The following PCDHGA5 variants were observed in gnomAD, a reference collection of about 807,000 sequenced individuals.
PCDHGA5 encodes protocadherin gamma subfamily A, 5, also known as protocadherin gamma-A5.
A neutral mutation model predicts 56.7 loss-of-function variants in PCDHGA5; 36 were observed. That is an observed-to-expected ratio of 0.64 (90% CI 0.49 to 0.84). The LOEUF is 0.84. Ranked by LOEUF, PCDHGA5 falls within the 40% of genes least tolerant of loss-of-function variation. The pLI, the probability that PCDHGA5 is intolerant of heterozygous loss-of-function variation, is 0.00. For synonymous variants in PCDHGA5, 563 were observed against 520.2 expected (o/e 1.08, Z -1.12); for missense variants, 1,305 against 1,201.5 (o/e 1.09, Z -1.27).
At chr5:141,483,186 A>G (rs2099578047) in intron 1 of PCDHGA5, among the ~76,000 whole-genome samples, 1 of 152,174 alleles carries the variant, frequency 6.6e-6, no homozygotes, top group Non-Finnish European at 1.5e-5. Flanking sequence ...CAAGCCAAGG[A>G]GTTTTTATTT....
At chr5:141,408,738 C>A in intron 1 of PCDHGA5, 1 of 1,609,632 alleles carries the variant, frequency 6.2e-7, no homozygotes, top group Non-Finnish European at 8.5e-7. Flanking sequence ...CCTTATTTTT[C>A]ATTAATGGTT....
At chr5:141,492,778 G>A (rs2099743821) in intron 1 of PCDHGA5, among the ~76,000 whole-genome samples, 1 of 152,250 alleles carries the variant, frequency 6.6e-6, no homozygotes, top group South Asian at 2.1e-4. Context: ...GAGTGAGTGA[G>A]CCTCTATAGG....
At chr5:141,412,917 G>C (rs918712966) in intron 1 of PCDHGA5, 2 of 410,214 alleles carry the variant, frequency 4.9e-6, no homozygotes, top group African/African-American at 2.1e-5. Context: ...GTATCACTTG[G>C]GTGCAGTAAC....
Position 141,366,435 on chromosome 5 carries a change from G to A in PCDHGA5, c.2105G>A (p.Cys702Tyr), listed in dbSNP as rs1764554522. ...YLVVAVAAVS[C>Y]VFLAFVIVLL... ...GTGGTGGCAGTGGCTGCAGTCTCCTGCGTCTTCCTGGCCTTCGTCATCGTG... is the reference window on the plus strand; with the variant it reads ...GTGGTGGCAGTGGCTGCAGTCTCCTACGTCTTCCTGGCCTTCGTCATCGTG... Residue 702 changes from cysteine to tyrosine, a missense_variant, in exon 1 of 4, where the codon TGC (cysteine) becomes TAC (tyrosine). Transcript: ENST00000518069. 2 of 1,614,046 alleles carry A rather than the reference G, an allele frequency of 1.2e-6. No individual in the cohort carries two copies. The highest frequency in any genetic ancestry group is 1.3e-5 in the African/African-American group (1 of 74,958).
At chr5:141,417,001 A>G (rs1590037654) in intron 1 of PCDHGA5, 1 of 150,924 alleles carries the variant, frequency 6.6e-6, no homozygotes, top group African/African-American at 2.5e-5. Context: ...TTCATCTCAA[A>G]TAATTCTATT....
Position 141,432,298 on chromosome 5 carries a change from A to T in PCDHGA5, c.2422-62509A>T. Reference sequence around the variant, plus strand: ...TGTCCATCAACTCCGACACTGGGGTACTGTATGCGCTGAGCTCCTTCGACT... The same window carrying T: ...TGTCCATCAACTCCGACACTGGGGTTCTGTATGCGCTGAGCTCCTTCGACT... On this transcript the variant is annotated intron_variant, in intron 1 of 3. Transcript: ENST00000518069. The surrounding 1 kb of genome is among the most constrained non-coding windows in gnomAD (Gnocchi z 6.0). The T allele has an allele frequency of 6.2e-7, 1 of 1,614,236 alleles. No homozygotes were observed. Among genetic ancestry groups the T allele is most frequent in the Non-Finnish European group, 8.5e-7 (1 of 1,180,036 alleles).
intron 1 of PCDHGA5, chr5:141,384,561 C>A (rs778010622): frequency 3.1e-6 from 5 of 1,614,254 alleles, no homozygotes; most frequent in South Asian, 1.1e-5. Context: ...TCGTGCTGGA[C>A]CAGAATGACA....
intron 1 of PCDHGA5, chr5:141,408,110 T>G: frequency 2.8e-6 from 4 of 1,445,204 alleles, no homozygotes; most frequent in Non-Finnish European, 2.7e-6. Context: ...GACCCGGGAC[T>G]CCTCCTGTCC....
In PCDHGA5 at chr5:141,364,651, C is replaced by T; in HGVS notation, c.321C>T (p.Asn107=). The stretch of plus-strand genomic sequence containing the variant: ...GCCCACTGTGTGTGGTGAACTTTAA[C>T]ATCTTGGTTGAGAACAAAATGAAAA... ...AQSPLCVVNF[N]ILVENKMKIY... Residue 107 remains asparagine, a synonymous_variant, in exon 1 of 4, where the codon AAC becomes AAT. Coordinates refer to ENST00000518069, the MANE Select transcript of PCDHGA5 (RefSeq NM_018918.3). 1.9e-6 allele frequency: 3 copies of T among 1,614,064 alleles called. No individual in the cohort carries two copies. The highest frequency in any genetic ancestry group is 2.5e-6 in the Non-Finnish European group (3 of 1,179,922).
In PCDHGA5 at chr5:141,422,509, C is replaced by G. The variant is rs1249006816; in HGVS notation, c.2421+55758C>G. On this transcript the variant is annotated intron_variant, in intron 1 of 3. Coordinates refer to ENST00000518069, the MANE Select transcript of PCDHGA5 (RefSeq NM_018918.3). ...CAATATAACGTTGACAGCCACAGAC[C>G]AGGGAAGCCCGCCTTTGTCTGCAGA... The G allele has an allele frequency of 1.9e-6, 3 of 1,613,836 alleles. No homozygotes were observed. In the South Asian group the frequency reaches 3.3e-5, roughly 18 times the overall value.
At chr5:141,372,062 C>G (rs1768364404) in intron 1 of PCDHGA5, 2 of 1,613,470 alleles carry the variant, frequency 1.2e-6, no homozygotes, top group South Asian at 2.2e-5. Flanking sequence ...ACGACCGCAA[C>G]GACAATGCAC....
Position 141,365,311 on chromosome 5 carries a change from T to C in PCDHGA5, c.981T>C (p.Leu327=). ...MEVVAQDGGA[L]VASAKVVVTV... ...TGGTAGCTCAGGATGGAGGCGCTCT[T>C]GTTGCCAGCGCTAAGGTGGTGGTCA... Residue 327 remains leucine, a synonymous_variant, in exon 1 of 4, where the codon CTT becomes CTC. Transcript: ENST00000518069. 6.2e-7 allele frequency: 1 copy of C among 1,613,980 alleles called. No homozygotes were observed. The highest frequency in any genetic ancestry group is 8.5e-7 in the Non-Finnish European group (1 of 1,179,866).
At position 141,383,079 on chromosome 5, in the gene PCDHGA5, G is replaced by A. The variant is rs770794066; in HGVS notation, c.2421+16328G>A. 4 of 1,613,906 alleles carry A rather than the reference G, an allele frequency of 2.5e-6. No individual in the cohort carries two copies. In the South Asian group the frequency reaches 4.4e-5, roughly 18 times the overall value. ...TGGGGCTGGAGCCCCGGGAGCTGGC[G>A]GAGCGCGGAGTCCGCATCATCTCCA... is the stretch of plus-strand genomic sequence containing the variant. On this transcript the variant is annotated intron_variant, in intron 1 of 3. Transcript: ENST00000518069.
intron 1 of PCDHGA5, among the ~76,000 whole-genome samples, chr5:141,457,057 C>T (rs1224573005): frequency 6.6e-6 from 1 of 152,182 alleles, no homozygotes; most frequent in Non-Finnish European, 1.5e-5. Flanking sequence ...TTCATGCTTC[C>T]TTTTTGCCAG....
intron 1 of PCDHGA5, chr5:141,407,965 G>A (rs2095011875): frequency 4.4e-6 from 3 of 688,096 alleles, no homozygotes; most frequent in Non-Finnish European, 6.9e-6. Flanking sequence ...CAGAGCAAGC[G>A]CTGACGCCGG....
Position 141,384,108 on chromosome 5 carries a change from AT to A in PCDHGA5, c.2421+17359del. 1.9e-6 allele frequency: 3 copies of A among 1,603,570 alleles called. No individual in the cohort carries two copies. In the East Asian group the frequency reaches 6.8e-5, roughly 36 times the overall value. Reference sequence around the variant, plus strand: ...AAAAATCAATAGATAATTATTATAGATTGGTCACAACCAAAAACTTGGACCG... The same window carrying A: ...AAAAATCAATAGATAATTATTATAGATGGTCACAACCAAAAACTTGGACCG... On this transcript the variant is annotated intron_variant, in intron 1 of 3. Transcript: ENST00000518069.
chr5:141,435,260 T>C (rs1591368331), intron 1 of PCDHGA5, among the ~76,000 whole-genome samples: 1 of 152,236 alleles, frequency 6.6e-6, no homozygotes, highest in African/African-American at 2.4e-5. Context: ...TAGGGATATG[T>C]CCATTTATAC....
Position 141,375,862 on chromosome 5 carries a change from G to T in PCDHGA5, c.2421+9111G>T, listed in dbSNP as rs759161440. 4.3e-6 allele frequency: 7 copies of T among 1,613,976 alleles called. No individual in the cohort carries two copies. The South Asian group carries it at 7.7e-5, about 18-fold the overall frequency. On this transcript the variant is annotated intron_variant, in intron 1 of 3. Coordinates refer to ENST00000518069, the MANE Select transcript of PCDHGA5 (RefSeq NM_018918.3). Reference sequence around the variant, plus strand: ...GCTACCTGGTGACCAAGGTGGTGGCGGTGGACAGAGACTCGGGCCAGAACG... The same window carrying T: ...GCTACCTGGTGACCAAGGTGGTGGCTGTGGACAGAGACTCGGGCCAGAACG...
intron 1 of PCDHGA5, chr5:141,427,316 C>G: frequency 2.2e-6 from 1 of 457,002 alleles, no homozygotes; most frequent in Non-Finnish European, 4.4e-6. Context: ...ATGCCCCAGA[C>G]GTGGTTTTTA....
Sources: gnomAD v4.1 joint callset for allele counts (sites outside exome capture counted in the v4.1 genomes callset) on GRCh38, gnomAD v4.1.1 for gene constraint, Gnocchi (gnomAD v3.1) non-coding constraint, MANE v1.5 for transcripts, NCBI Gene and HGNC (gene_info 2026-07-23, HGNC 2026-07-21) for gene names.